Variants in FSTL4 observed in about 807,000 individuals in gnomAD.
The protein encoded by FSTL4 is follistatin like 4.
FSTL4 carries 28 observed loss-of-function variants against 78.2 expected under a neutral mutation model. The ratio of observed to expected loss-of-function variants is 0.36; its 90% confidence interval spans 0.27 to 0.49. FSTL4 has a LOEUF of 0.49. Among genes scored for constraint, FSTL4 ranks in the 20% least tolerant of loss-of-function variants. The pLI, the probability that FSTL4 is intolerant of heterozygous loss-of-function variation, is 0.98. For missense variants in FSTL4, 922 were observed against 1,084.9 expected (o/e 0.85, Z 2.11); for synonymous variants, 422 against 440.5 (o/e 0.96, Z 0.53).
At position 133,196,644 on chromosome 5, in the gene FSTL4, C is replaced by A. The variant is rs1355208544; in HGVS notation, c.*2451G>T. The A allele has an allele frequency of 6.6e-6, 1 of 152,204 alleles. No homozygotes were observed. The highest frequency in any genetic ancestry group is 1.5e-5 in the Non-Finnish European group (1 of 68,040). 9.4% of individuals were successfully genotyped at this position (152,204 alleles called of 1,614,324 possible). Reference sequence around the variant, plus strand: ...GAGGCCCCCCTGTAGTGAGGCATTTCCTCCCAGTGGCTTTCCAACTGTGTC... The same window carrying A: ...GAGGCCCCCCTGTAGTGAGGCATTTACTCCCAGTGGCTTTCCAACTGTGTC... On this transcript the variant is annotated 3_prime_UTR_variant, in exon 16 of 16. Transcript: ENST00000265342.
intron 4 of FSTL4, among the ~76,000 whole-genome samples, chr5:133,371,697 T>C (rs1411699199): frequency 3.3e-5 from 5 of 152,216 alleles, no homozygotes; most frequent in Non-Finnish European, 5.9e-5. Flanking sequence ...TCTTTTGAAG[T>C]GTGAAAAAAG....
intron 3 of FSTL4, among the ~76,000 whole-genome samples, chr5:133,433,184 T>C (rs979689763): frequency 2.0e-5 from 3 of 152,210 alleles, no homozygotes; most frequent in Non-Finnish European, 4.4e-5. Flanking sequence ...CTAGAGCTCA[T>C]TGGAATTCAC....
chr5:133,394,478 G>C (rs1561699724), intron 4 of FSTL4, among the ~76,000 whole-genome samples: 1 of 152,264 alleles, frequency 6.6e-6, no homozygotes, highest in Non-Finnish European at 1.5e-5. Context: ...GCCCCGGACA[G>C]CGAGGGGCTT....
the FSTL4 span, among the ~76,000 whole-genome samples, chr5:133,752,350 C>G: frequency 6.6e-6 from 1 of 152,208 alleles, no homozygotes; most frequent in Non-Finnish European, 1.5e-5. Context: ...GGCACTATGG[C>G]TGAGCCTATA....
chr5:133,836,520 C>T, the FSTL4 span, among the ~76,000 whole-genome samples: 3 of 152,076 alleles, frequency 2.0e-5, no homozygotes, highest in Admixed American at 2.0e-4. Flanking sequence ...AGATTTTTAC[C>T]CATACATATA....
At chr5:133,767,567 G>A in the FSTL4 span, among the ~76,000 whole-genome samples, 2 of 152,208 alleles carry the variant, frequency 1.3e-5, no homozygotes, top group African/African-American at 4.8e-5. Context: ...CCTGGAGGTA[G>A]CATGACTACC....
chr5:133,199,775 A>T lies in FSTL4; in HGVS notation c.1849T>A (p.Ser617Thr). 6.4e-7 allele frequency: 1 copy of T among 1,555,692 alleles called. No homozygotes were observed. The highest frequency in any genetic ancestry group is 1.2e-5 in the South Asian group (1 of 85,726). The stretch of plus-strand genomic sequence containing the variant: ...TCCACCTTGTGGACTGCAGGATCAG[A>T]CTTGTTGAAGATGAAGCCAAACCTG... ...HIRFGFIFNK[S>T]DPAVHKVDLE... The change falls in exon 16 of 16, where the codon TCT becomes ACT. Residue 617 changes from serine (S) to threonine (T), a missense_variant. Ser to Thr is a moderately conservative substitution (Grantham distance 58). Coordinates refer to ENST00000265342, the MANE Select transcript of FSTL4 (RefSeq NM_015082.2). This position sits in a 1 kb window ranked among gnomAD's most constrained non-coding sequence, Gnocchi z 4.4.
intron 4 of FSTL4, among the ~76,000 whole-genome samples, chr5:133,348,692 C>G (rs1754754111): frequency 6.6e-6 from 1 of 152,216 alleles, no homozygotes; most frequent in South Asian, 2.1e-4. Context: ...TCCAGCTGCT[C>G]AGAACTCATA....
chr5:133,504,844 G>C, intron 3 of FSTL4, among the ~76,000 whole-genome samples: 1 of 152,082 alleles, frequency 6.6e-6, no homozygotes, highest in Non-Finnish European at 1.5e-5. Context: ...TTCCTTCATA[G>C]CTCTTATCAC....
intron 3 of FSTL4, among the ~76,000 whole-genome samples, chr5:133,557,789 C>T (rs1759820411): frequency 6.6e-6 from 1 of 152,324 alleles, no homozygotes; most frequent in East Asian, 1.9e-4. Flanking sequence ...CTTCCACCCT[C>T]ACTGGACTAT....
chr5:133,513,934 T>G (rs772411585), intron 3 of FSTL4, among the ~76,000 whole-genome samples: 43 of 152,064 alleles, frequency 2.8e-4, no homozygotes, highest in Non-Finnish European at 5.0e-4. Flanking sequence ...ATCCCAGAAC[T>G]TTGGGAGGCC....
chr5:133,839,285 C>T, the FSTL4 span, among the ~76,000 whole-genome samples: 5 of 152,208 alleles, frequency 3.3e-5, no homozygotes, highest in Non-Finnish European at 7.3e-5. Flanking sequence ...CACACCGCTC[C>T]TCATGGTCCA....
At chr5:133,339,424 TG>T (rs952542375) in intron 4 of FSTL4, among the ~76,000 whole-genome samples, 26 of 152,232 alleles carry the variant, frequency 1.7e-4, no homozygotes, top group African/African-American at 6.3e-4. Context: ...GTCACTATCC[TG>T]ACCACTCCTG....
At chr5:133,208,985 T>C (rs1750617544) in intron 14 of FSTL4, among the ~76,000 whole-genome samples, 1 of 152,220 alleles carries the variant, frequency 6.6e-6, no homozygotes, top group Non-Finnish European at 1.5e-5. Flanking sequence ...TTTTCATCTA[T>C]TGCAGTTTTA....
At chr5:133,247,589 A>G (rs1372226591) in intron 7 of FSTL4, 1 of 152,212 alleles carries the variant, frequency 6.6e-6, no homozygotes, top group African/African-American at 2.4e-5. Context: ...ATGCACCCCA[A>G]CACAGTCCAG....
At chr5:133,717,185 A>T in the FSTL4 span, among the ~76,000 whole-genome samples, 1 of 152,262 alleles carries the variant, frequency 6.6e-6, no homozygotes, top group Non-Finnish European at 1.5e-5. Flanking sequence ...TAGTTTGAAC[A>T]GTTAAAATTC....
chr5:133,259,758 G>A (rs1322054769), intron 6 of FSTL4, among the ~76,000 whole-genome samples: 1 of 152,012 alleles, frequency 6.6e-6, no homozygotes, highest in East Asian at 1.9e-4. Context: ...GGTGGTGACT[G>A]TGGAGATGAA....
chr5:133,421,627 C>T (rs1019219671), intron 3 of FSTL4, among the ~76,000 whole-genome samples: 1 of 152,228 alleles, frequency 6.6e-6, no homozygotes, highest in African/African-American at 2.4e-5. Flanking sequence ...ATTTCCAACG[C>T]CTTATGTGCT....
At chr5:133,789,846 G>A in the FSTL4 span, among the ~76,000 whole-genome samples, 1 of 152,112 alleles carries the variant, frequency 6.6e-6, no homozygotes, top group African/African-American at 2.4e-5. Flanking sequence ...TTGGATTAGG[G>A]CCCTGCCTTA....
Sources: gnomAD v4.1 joint callset for allele counts (sites outside exome capture counted in the v4.1 genomes callset) on GRCh38, gnomAD v4.1.1 for gene constraint, Gnocchi (gnomAD v3.1) non-coding constraint, MANE v1.5 for transcripts, NCBI Gene and HGNC (gene_info 2026-07-23, HGNC 2026-07-21) for gene names.